The following GPATCH1 variants were observed in gnomAD, a reference collection of about 807,000 sequenced individuals.
GPATCH1 encodes G-patch domain containing 1.
GPATCH1 carries 73 observed loss-of-function variants against 114.9 expected under a neutral mutation model. That is an observed-to-expected ratio of 0.64 (90% CI 0.53 to 0.77). GPATCH1 has a LOEUF of 0.77. Among genes scored for constraint, GPATCH1 ranks in the 30% least tolerant of loss-of-function variants. The pLI is 0.00. For synonymous variants in GPATCH1, 391 were observed against 428.4 expected, an observed-to-expected ratio of 0.91 and a Z score of 1.08; for missense variants, 1,058 against 1,144.3, an observed-to-expected ratio of 0.92 and a Z score of 1.09.
intron 1 of GPATCH1, among the ~76,000 whole-genome samples, chr19:33,084,158 G>A (rs7252505): frequency 0.28 from 42,479 of 152,146 alleles, 10,705 homozygotes; most frequent in African/African-American, 0.67. Flanking sequence ...TGTATTTTAC[G>A]ATATAACACA....
Position 33,097,814 on chromosome 19 carries a change from A to G in GPATCH1, c.912A>G (p.Leu304=), listed in dbSNP as rs753805969. The G allele has an allele frequency of 4.3e-6, 7 of 1,613,564 alleles. No individual in the cohort carries two copies. Among genetic ancestry groups the G allele is most frequent in the Non-Finnish European group, 5.1e-6 (6 of 1,179,638 alleles). Residue 304 remains leucine (L), a synonymous_variant, in exon 8 of 20, where the codon CTA becomes CTG. Transcript: ENST00000170564. ...EDDDIYATET[L]SKYDTVLKDE... ...ATGATATCTATGCCACAGAAACTCT[A>G]TCCAAGTATGACACTGTTCTGAAGG...
At chr19:33,083,542 A>T (rs1201813681) in intron 1 of GPATCH1, among the ~76,000 whole-genome samples, 1 of 149,244 alleles carries the variant, frequency 6.7e-6, no homozygotes, top group African/African-American at 2.5e-5. Flanking sequence ...TTATAGGTAC[A>T]TTCCACTACG....
At chr19:33,088,339 T>G in intron 2 of GPATCH1, 71 bp downstream of exon 2, 1 of 1,150,534 alleles carries the variant, frequency 8.7e-7, no homozygotes, top group Admixed American at 2.4e-5. Flanking sequence ...TCCCTCACCC[T>G]TGCTTTTTTT....
chr19:33,094,113 T>G (rs1236481705), intron 4 of GPATCH1, 59 bp from the exon 5 acceptor site: 3 of 949,994 alleles, frequency 3.2e-6, no homozygotes, highest in Admixed American at 1.7e-5. Context: ...AGCCGCTTAT[T>G]TCATATTCTT....
chr19:33,111,832 T>G lies in GPATCH1; in HGVS notation c.1694T>G (p.Leu565Trp). 6.2e-7 allele frequency: 1 copy of G among 1,614,116 alleles called. No homozygotes were observed. The highest frequency in any genetic ancestry group is 8.5e-7 in the Non-Finnish European group (1 of 1,179,976). ...CTGTACGCATCTTCCCATTCGACCT[T>G]GTCCTCCAGGTTCACTCACGCCAAG... The part of the protein sequence containing the change: ...ALLYASSHST[L>W]SSRFTHAKEE... Residue 565 changes from leucine (L) to tryptophan (W), a missense_variant, in exon 12 of 20, where the codon TTG (leucine) becomes TGG (tryptophan). Physicochemically the swap from Leu to Trp is moderately conservative, Grantham distance 61. This residue lies in a region of GPATCH1 where 893 missense variants were observed against 977.4 expected (regional missense o/e 0.91). Transcript: ENST00000170564.
intron 11 of GPATCH1, among the ~76,000 whole-genome samples, chr19:33,110,287 G>C (rs1302855355): frequency 2.0e-5 from 3 of 152,164 alleles, no homozygotes; most frequent in African/African-American, 7.2e-5. Flanking sequence ...AGGCCGTTTG[G>C]TGTTTGCAAG....
At chr19:33,110,150 G>T in intron 11 of GPATCH1, 134 bp downstream of exon 11, 1 of 747,972 alleles carries the variant, frequency 1.3e-6, no homozygotes. Flanking sequence ...GCTGCAAATA[G>T]TGCAAAGGTT....
intron 11 of GPATCH1, 129 bp downstream of exon 11, chr19:33,110,145 A>G: frequency 1.3e-6 from 1 of 772,560 alleles, no homozygotes; most frequent in South Asian, 2.0e-5. Flanking sequence ...ATCCTGCTGC[A>G]AATAGTGCAA....
In GPATCH1 at chr19:33,112,469, T is replaced by C; in HGVS notation, c.1765-17T>C. On this transcript the variant is annotated splice_polypyrimidine_tract_variant and intron_variant, in intron 12 of 19. Transcript: ENST00000170564. ...GGTGCGGCCACTTGATGGAACAGAA[T>C]GCATGTCTTTTTCCAGAATGATGTC... 1 of 1,613,914 alleles carries C rather than the reference T, an allele frequency of 6.2e-7. No individual in the cohort carries two copies.
chr19:33,095,945 C>A, intron 6 of GPATCH1, 125 bp downstream of exon 6: 1 of 801,850 alleles, frequency 1.2e-6, no homozygotes. Flanking sequence ...ATACTCATAC[C>A]CTAAAGCTAT....
At chr19:33,104,612 G>A (rs752041069) in intron 9 of GPATCH1, among the ~76,000 whole-genome samples, 1 of 152,082 alleles carries the variant, frequency 6.6e-6, no homozygotes, top group Non-Finnish European at 1.5e-5. Context: ...GGGGAGCTTG[G>A]GGAACTCCAG....
rs762131780 is a variant in GPATCH1, at chr19:33,126,632, T to TA, written c.2670dup (p.Pro891ThrfsTer5). On this transcript the variant is annotated frameshift_variant, in exon 19 of 20. Coordinates refer to ENST00000170564, the MANE Select transcript of GPATCH1 (RefSeq NM_018025.3). LOFTEE classifies it high-confidence loss of function. ...ACAAACACAAAGGCAAGCAAAAGAA[T>TA]AAAAAACCAGAGAAAAGTAGTAGCT... 1.2e-6 allele frequency: 2 copies of TA among 1,613,754 alleles called. No homozygotes were observed. Among genetic ancestry groups the TA allele is most frequent in the Non-Finnish European group, 1.7e-6 (2 of 1,179,938 alleles).
chr19:33,114,431 T>C lies in GPATCH1; in HGVS notation c.2196+12T>C, dbSNP rs1364141772. The C allele has an allele frequency of 4.4e-6, 7 of 1,576,584 alleles. No homozygotes were observed. Among genetic ancestry groups the C allele is most frequent in the Non-Finnish European group, 6.0e-6 (7 of 1,164,474 alleles). Reference sequence around the variant, plus strand: ...TATCCGCAAATCAGGTATTTGGGGCTTCCAGATTCTCTTTGCCACGCTGAG... The same window carrying C: ...TATCCGCAAATCAGGTATTTGGGGCCTCCAGATTCTCTTTGCCACGCTGAG... On this transcript the variant is annotated intron_variant, in intron 15 of 19. Transcript: ENST00000170564.
Position 33,126,655 on chromosome 19 carries a change from G to T in GPATCH1, c.2687G>T (p.Ser896Ile). 1 of 1,614,090 alleles carries T rather than the reference G, an allele frequency of 6.2e-7. No individual in the cohort carries two copies. The change falls in exon 19 of 20, where the codon AGC becomes ATC. Residue 896 changes from serine (S) to isoleucine (I), a missense_variant. Coordinates refer to ENST00000170564, the MANE Select transcript of GPATCH1 (RefSeq NM_018025.3). ...QKNKKPEKSS[S>I]SESSDSSDSQ... ...AATAAAAAACCAGAGAAAAGTAGTA[G>T]CTCCGAGAGTTCCGACAGCAGCGAC...
chr19:33,126,601 G>A lies in GPATCH1; in HGVS notation c.2633G>A (p.Arg878Lys). 1.2e-6 allele frequency: 2 copies of A among 1,612,332 alleles called. No homozygotes were observed. Among genetic ancestry groups the A allele is most frequent in the Non-Finnish European group, 1.7e-6 (2 of 1,179,424 alleles). The change falls in exon 19 of 20, where the codon AGG (arginine) becomes AAG (lysine). Residue 878 changes from arginine to lysine, a missense_variant. Arg to Lys is a conservative substitution (Grantham distance 26). Transcript: ENST00000170564. ...TGTTTTTTACAGAAAAAGAAACACA[G>A]GAAGCACAAACACAAAGGCAAGCAA... ...RRKKEKKKKH[R>K]KHKHKGKQKN...
chr19:33,093,479 C>G lies in GPATCH1; in HGVS notation c.415C>G (p.Pro139Ala). ...RQLAAATAPIPGATLLDDLIT... is the reference protein window; with the variant it reads ...RQLAAATAPIAGATLLDDLIT... ...GTTGGCCGCTGCTACTGCCCCTATT[C>G]CTGGAGCCACCCTCCTTGATGACCT... The change falls in exon 4 of 20, where the codon CCT (proline) becomes GCT (alanine). Residue 139 changes from proline (P) to alanine (A), a missense_variant. Coordinates refer to ENST00000170564, the MANE Select transcript of GPATCH1 (RefSeq NM_018025.3). The G allele has an allele frequency of 6.2e-7, 1 of 1,613,940 alleles. No individual in the cohort carries two copies. Among genetic ancestry groups the G allele is most frequent in the South Asian group, 1.1e-5 (1 of 91,058 alleles).
chr19:33,102,683 C>G (rs1972741075), intron 9 of GPATCH1, among the ~76,000 whole-genome samples: 1 of 152,102 alleles, frequency 6.6e-6, no homozygotes, highest in Admixed American at 6.5e-5. Context: ...GCGTGAGCCA[C>G]CGCGCCCGGC....
At chr19:33,088,541 G>A (rs1164467008) in intron 2 of GPATCH1, among the ~76,000 whole-genome samples, 1 of 151,480 alleles carries the variant, frequency 6.6e-6, no homozygotes, top group Non-Finnish European at 1.5e-5. Flanking sequence ...GTAGAGACAG[G>A]AGTTTCACCA....
intron 5 of GPATCH1, among the ~76,000 whole-genome samples, chr19:33,094,498 G>T (rs145604530): frequency 2.8e-4 from 42 of 152,250 alleles, no homozygotes; most frequent in African/African-American, 8.7e-4. Context: ...TTTTTGTAGA[G>T]ACGGGGTTTT....
Sources: allele counts gnomAD v4.1 joint callset (sites outside exome capture counted in the v4.1 genomes callset), GRCh38; gene constraint gnomAD v4.1.1; regional missense constraint gnomAD v4.1.1; transcripts MANE v1.5; gene names NCBI Gene and HGNC (gene_info 2026-07-23, HGNC 2026-07-21).